Variants in TRPC1 observed in about 807,000 individuals in gnomAD.
TRPC1 encodes short transient receptor potential channel 1.
In TRPC1, 42 loss-of-function variants were observed where a neutral mutation model predicts 88.2. The ratio of observed to expected loss-of-function variants is 0.48; its 90% CI spans 0.37 to 0.62. The LOEUF (loss-of-function observed/expected upper bound fraction) is 0.62, where lower values mean the gene tolerates loss of function less well. Among genes scored for constraint, TRPC1 ranks in the 20% least tolerant of loss-of-function variants. The pLI, the probability that TRPC1 is intolerant of heterozygous loss-of-function variation, is 0.00. For missense variants in TRPC1, 699 were observed against 957.3 expected, an observed-to-expected ratio of 0.73 and a Z score of 3.56; for synonymous variants, 288 against 331.8, an observed-to-expected ratio of 0.87 and a Z score of 1.43.
chr3:142,785,295 T>C, intron 7 of TRPC1: 1 of 309,794 alleles, frequency 3.2e-6, no homozygotes, highest in Non-Finnish European at 5.9e-6. Flanking sequence ...TTATTTATTC[T>C]CAGACTCTAT....
At position 142,784,969 on chromosome 3, in the gene TRPC1, A is replaced by G. The variant is rs757658849; in HGVS notation, c.1226A>G (p.Asn409Ser). 1.9e-6 allele frequency: 3 copies of G among 1,613,788 alleles called. No individual in the cohort carries two copies. The highest frequency in any genetic ancestry group is 1.6e-4 in the Middle Eastern group (1 of 6,084). Residue 409 changes from asparagine to serine, a missense_variant, in exon 7 of 13, where the codon AAT becomes AGT. Coordinates refer to ENST00000476941, the MANE Select transcript of TRPC1 (RefSeq NM_001251845.2). Reference sequence around the variant, plus strand: ...CTTAATCTATACTCTCTTGTCTACAATGAGGATAAGAAAAACACAATGGGG... The same window carrying G: ...CTTAATCTATACTCTCTTGTCTACAGTGAGGATAAGAAAAACACAATGGGG... ...LLLNLYSLVY[N>S]EDKKNTMGPA...
chr3:142,734,261 G>A (rs1934039086), intron 1 of TRPC1, among the ~76,000 whole-genome samples: 1 of 152,058 alleles, frequency 6.6e-6, no homozygotes, highest in South Asian at 2.1e-4. Context: ...TTAAAATGAT[G>A]AGAAAGTTAA....
rs556718804 is a variant in TRPC1 at position 142,768,572 on chromosome 3, T to C, written c.633-9060T>C. 2.6e-4 allele frequency among the ~76,000 whole-genome samples: 40 copies of C among 152,156 alleles called. 1 individual carries two copies. Among genetic ancestry groups the C allele is most frequent in the Non-Finnish European group, 4.9e-4 (33 of 67,986 alleles). On this transcript the variant is annotated intron_variant, in intron 4 of 12. Coordinates refer to ENST00000476941, the MANE Select transcript of TRPC1 (RefSeq NM_001251845.2). ...CTTTTGATTGAAGTGTTTAGTTCAC[T>C]CACATGTAATGTAATTTTTGGTATG... is the stretch of plus-strand genomic sequence containing the variant.
intron 2 of TRPC1, among the ~76,000 whole-genome samples, chr3:142,741,574 T>C (rs1328087424): frequency 2.0e-5 from 3 of 152,214 alleles, no homozygotes; most frequent in Non-Finnish European, 4.4e-5. Context: ...GTAGTCAACT[T>C]TTAGTAATTC....
Position 142,792,814 on chromosome 3 carries a change from C to T in TRPC1, c.1438-10C>T. On this transcript the variant is annotated splice_polypyrimidine_tract_variant and intron_variant, in intron 8 of 12. Transcript: ENST00000476941. This position sits in a 1 kb window ranked among gnomAD's most constrained non-coding sequence, Gnocchi z 4.0. ...CTTATTTACCTTTGGCTTTTTCTTC[C>T]TAACCTTAGTTTCATGATTTTGCTG... The T allele has an allele frequency of 6.4e-7, 1 of 1,556,322 alleles. No individual in the cohort carries two copies. Among genetic ancestry groups the T allele is most frequent in the Non-Finnish European group, 8.7e-7 (1 of 1,155,186 alleles).
At chr3:142,787,054 T>C (rs1936155307) in intron 7 of TRPC1, among the ~76,000 whole-genome samples, 1 of 152,218 alleles carries the variant, frequency 6.6e-6, no homozygotes. Flanking sequence ...TTCAATGATA[T>C]TACACGTATA....
intron 2 of TRPC1, among the ~76,000 whole-genome samples, chr3:142,741,632 TA>T (rs1230147755): frequency 4.6e-5 from 7 of 152,146 alleles, no homozygotes; most frequent in Admixed American, 4.6e-4. Flanking sequence ...GCTATTCTTT[TA>T]TTCAGTAAAG....
At chr3:142,793,868 A>C (rs1202472864) in intron 9 of TRPC1, 3 of 985,128 alleles carry the variant, frequency 3.0e-6, no homozygotes, top group African/African-American at 3.5e-5. Flanking sequence ...TATAGGAAAA[A>C]CCTGATTTGA....
In TRPC1 at chr3:142,792,248, A is replaced by G. The variant is rs1035025806; in HGVS notation, c.1438-576A>G. 1.3e-5 allele frequency among the ~76,000 whole-genome samples: 2 copies of G among 152,030 alleles called. No individual in the cohort carries two copies. The highest frequency in any genetic ancestry group is 4.8e-5 in the African/African-American group (2 of 41,422). ...TTCGTTCTATAAGTGGAGTACCCATATAATTTTTTATCCAAATCAGGACAT... is the reference window on the plus strand; with the variant it reads ...TTCGTTCTATAAGTGGAGTACCCATGTAATTTTTTATCCAAATCAGGACAT... On this transcript the variant is annotated intron_variant, in intron 8 of 12. Transcript: ENST00000476941. The surrounding 1 kb of genome is among the most constrained non-coding windows in gnomAD (Gnocchi z 4.0).
At chr3:142,786,228 T>C (rs1936130241) in intron 7 of TRPC1, among the ~76,000 whole-genome samples, 1 of 152,222 alleles carries the variant, frequency 6.6e-6, no homozygotes, top group Non-Finnish European at 1.5e-5. Context: ...AATTTAGTCT[T>C]ATCTATGGCA....
rs779549469 is a variant in TRPC1 at position 142,743,584 on chromosome 3, GTAGT to G, written c.429+3_429+6del. On this transcript the variant is annotated splice_donor_variant and coding_sequence_variant, in exon 3 of 13. Coordinates refer to ENST00000476941, the MANE Select transcript of TRPC1 (RefSeq NM_001251845.2). LOFTEE classifies it high-confidence loss of function. The stretch of plus-strand genomic sequence containing the variant: ...AAAACGATCATCAAGACCAACTATA[GTAGT>G]TAGTACTCTTAAATATTTATTAATT... The G allele has an allele frequency of 8.0e-6, 12 of 1,505,622 alleles. No individual in the cohort carries two copies. Among genetic ancestry groups the G allele is most frequent in the Non-Finnish European group, 1.1e-5 (12 of 1,130,442 alleles). The allele number at this position is 1,505,622 out of a possible 1,614,324, so 93.3% of individuals were successfully genotyped here. A position where few individuals can be genotyped will look rare whatever the true frequency, so the allele number is the denominator to read the frequency against.
rs557614123 is a variant in TRPC1, at chr3:142,792,202, T to A, written c.1438-622T>A. On this transcript the variant is annotated intron_variant, in intron 8 of 12. Coordinates refer to ENST00000476941, the MANE Select transcript of TRPC1 (RefSeq NM_001251845.2). This position sits in a 1 kb window ranked among gnomAD's most constrained non-coding sequence, Gnocchi z 4.0. Reference sequence around the variant, plus strand: ...GTTTGATAAAGGGATTGAGAGACATTGCTTTTTCAGATTGATCTCTTTCGT... The same window carrying A: ...GTTTGATAAAGGGATTGAGAGACATAGCTTTTTCAGATTGATCTCTTTCGT... 2.0e-5 allele frequency among the ~76,000 whole-genome samples: 3 copies of A among 152,168 alleles called. No homozygotes were observed. In the East Asian group the frequency reaches 5.8e-4, roughly 29 times the overall value.
intron 1 of TRPC1, among the ~76,000 whole-genome samples, chr3:142,729,120 G>C (rs932307810): frequency 2.0e-5 from 3 of 152,188 alleles, no homozygotes; most frequent in African/African-American, 4.8e-5. Context: ...ACGGTTCAGG[G>C]ATACTTTAAC....
chr3:142,728,523 G>T (rs1933772129), intron 1 of TRPC1, among the ~76,000 whole-genome samples: 1 of 152,054 alleles, frequency 6.6e-6, no homozygotes, highest in African/African-American at 2.4e-5. Context: ...GTTTCACCAT[G>T]TTGGCCAGGC....
chr3:142,779,839 A>T (rs9882985), intron 5 of TRPC1, among the ~76,000 whole-genome samples: 4,333 of 151,478 alleles, frequency 0.029, 224 homozygotes, highest in African/African-American at 0.1. Context: ...GATTAAGCTT[A>T]GACATAAAGT....
rs1193475357 is a variant in TRPC1, at chr3:142,792,776, T to C, written c.1438-48T>C. Reference sequence around the variant, plus strand: ...GTCAGAATATTTGCTTTTATTTTCCTAAATTGAGAGAGCTTATTTACCTTT... The same window carrying C: ...GTCAGAATATTTGCTTTTATTTTCCCAAATTGAGAGAGCTTATTTACCTTT... On this transcript the variant is annotated intron_variant, in intron 8 of 12. Transcript: ENST00000476941. The surrounding 1 kb of genome is among the most constrained non-coding windows in gnomAD (Gnocchi z 4.0). 6.8e-7 allele frequency: 1 copy of C among 1,473,064 alleles called. No individual in the cohort carries two copies. The highest frequency in any genetic ancestry group is 2.5e-5 in the Admixed American group (1 of 40,346). The allele number at this position is 1,473,064 out of a possible 1,614,324, so 91.2% of individuals were successfully genotyped here.
At chr3:142,749,302 C>G (rs1223659806) in intron 4 of TRPC1, among the ~76,000 whole-genome samples, 3 of 152,152 alleles carry the variant, frequency 2.0e-5, no homozygotes, top group Non-Finnish European at 4.4e-5. Flanking sequence ...TTATACAGTA[C>G]ATAATACTTG....
intron 3 of TRPC1, among the ~76,000 whole-genome samples, chr3:142,744,821 T>G (rs1934484505): frequency 6.6e-6 from 1 of 152,178 alleles, no homozygotes; most frequent in African/African-American, 2.4e-5. Flanking sequence ...AATTTTATTG[T>G]TTTTTAATCA....
intron 4 of TRPC1, among the ~76,000 whole-genome samples, chr3:142,750,957 T>C (rs1560099236): frequency 2.0e-5 from 3 of 152,294 alleles, no homozygotes; most frequent in Admixed American, 2.0e-4. Context: ...TTTTTAAAAA[T>C]TAACAATAGT....
Sources: gnomAD v4.1 joint callset for allele counts (sites outside exome capture counted in the v4.1 genomes callset) on GRCh38, gnomAD v4.1.1 for gene constraint, Gnocchi (gnomAD v3.1) non-coding constraint, MANE v1.5 for transcripts, NCBI Gene and HGNC (gene_info 2026-07-23, HGNC 2026-07-21) for gene names.